CACNA2D2: variants seen among roughly 807,000 people sequenced by gnomAD.
The protein encoded by CACNA2D2 is calcium voltage-gated channel auxiliary subunit alpha2delta 2.
A neutral mutation model predicts 166.4 loss-of-function variants in CACNA2D2; 48 were observed. That is an observed-to-expected ratio of 0.29 (90% CI 0.23 to 0.37). The LOEUF (loss-of-function observed/expected upper bound fraction) is 0.37, where lower values mean the gene tolerates loss of function less well. Among genes scored for constraint, CACNA2D2 ranks in the 10% least tolerant of loss-of-function variants. The pLI is 1.00. For synonymous variants in CACNA2D2, 561 were observed against 573.7 expected, an observed-to-expected ratio of 0.98 and a Z score of 0.32; for missense variants, 1,122 against 1,433.0, an observed-to-expected ratio of 0.78 and a Z score of 3.50.
chr3:50,429,386 G>C (rs974187938), intron 3 of CACNA2D2, among the ~76,000 whole-genome samples: 1 of 151,962 alleles, frequency 6.6e-6, no homozygotes. Flanking sequence ...GCTTATTTCA[G>C]GTCCGGCACT....
intron 3 of CACNA2D2, among the ~76,000 whole-genome samples, chr3:50,425,581 G>C (rs1349125492): frequency 6.6e-6 from 1 of 152,104 alleles, no homozygotes. Context: ...ATTTCAGAAC[G>C]AAGGGCCAGA....
At chr3:50,395,009 G>A (rs1322985353) in intron 3 of CACNA2D2, among the ~76,000 whole-genome samples, 1 of 152,130 alleles carries the variant, frequency 6.6e-6, no homozygotes, top group Non-Finnish European at 1.5e-5. Context: ...GCCTAAGTCC[G>A]GGTCACCCAG....
At position 50,384,309 on chromosome 3, in the gene CACNA2D2, C is replaced by G. The variant is rs1253225503; in HGVS notation, c.539G>C (p.Arg180Thr). The part of the protein sequence containing the change: ...LDDPESEDVE[R>T]GSKASTLRLD... ...CCTTAGGGTGCTGGCCTTAGACCCC[C>G]TTTCCACATCCTCACTCTCAGGGTC... The change falls in exon 6 of 38, where the codon AGG becomes ACG. Residue 180 changes from arginine to threonine, a missense_variant. Arg to Thr is a moderately conservative substitution (Grantham distance 71, BLOSUM62 -1). Around this residue, in one of 2 missense-constraint regions of CACNA2D2, gnomAD observed 840 missense variants for 1,166.8 expected, o/e 0.72. Coordinates refer to ENST00000424201, the MANE Select transcript of CACNA2D2 (RefSeq NM_006030.4). 1 of 1,614,134 alleles carries G rather than the reference C, an allele frequency of 6.2e-7. No homozygotes were observed. The highest frequency in any genetic ancestry group is 1.7e-5 in the Admixed American group (1 of 60,028).
intron 2 of CACNA2D2, among the ~76,000 whole-genome samples, chr3:50,469,649 TC>T (rs1709981737): frequency 6.6e-6 from 1 of 152,144 alleles, no homozygotes; most frequent in South Asian, 2.1e-4. Context: ...ACTGCTTGGA[TC>T]CCCATTTCCC....
chr3:50,387,624 A>G lies in CACNA2D2; in HGVS notation c.466-12T>C, dbSNP rs1187910729. ...ACGATGTCTTCCTCCTGGTGAGGGGAGAGAGGCCTCAGCACTAGCTGCTCA... is the reference window on the plus strand; with the variant it reads ...ACGATGTCTTCCTCCTGGTGAGGGGGGAGAGGCCTCAGCACTAGCTGCTCA... On this transcript the variant is annotated splice_polypyrimidine_tract_variant and intron_variant, in intron 4 of 37. Coordinates refer to ENST00000424201, the MANE Select transcript of CACNA2D2 (RefSeq NM_006030.4). 3.7e-6 allele frequency: 6 copies of G among 1,609,792 alleles called. No individual in the cohort carries two copies. The highest frequency in any genetic ancestry group is 5.1e-6 in the Non-Finnish European group (6 of 1,176,852).
chr3:50,448,006 G>A (rs1559958277), intron 2 of CACNA2D2, among the ~76,000 whole-genome samples: 1 of 152,080 alleles, frequency 6.6e-6, no homozygotes, highest in Non-Finnish European at 1.5e-5. Flanking sequence ...TGGACTACCC[G>A]TCCCCTCCAT....
At chr3:50,415,584 C>G (rs1275642888) in intron 3 of CACNA2D2, among the ~76,000 whole-genome samples, 1 of 152,246 alleles carries the variant, frequency 6.6e-6, no homozygotes, top group Non-Finnish European at 1.5e-5. Context: ...CCTGAGGTGT[C>G]TGTGTGTCCC....
intron 1 of CACNA2D2, among the ~76,000 whole-genome samples, chr3:50,486,891 G>C (rs750089978): frequency 6.6e-6 from 1 of 152,246 alleles, no homozygotes; most frequent in African/African-American, 2.4e-5. Context: ...TCACTCTGCA[G>C]TAGAAGACAG....
chr3:50,424,552 G>A (rs1390419716), intron 3 of CACNA2D2, among the ~76,000 whole-genome samples: 1 of 152,168 alleles, frequency 6.6e-6, no homozygotes, highest in Non-Finnish European at 1.5e-5. Context: ...GCCTGGTCAA[G>A]TATCCCCATG....
chr3:50,452,501 C>T (rs1310508857), intron 2 of CACNA2D2, among the ~76,000 whole-genome samples: 1 of 152,220 alleles, frequency 6.6e-6, no homozygotes, highest in Non-Finnish European at 1.5e-5. Context: ...GATGTAACTG[C>T]TCATTGTGAA....
At chr3:50,445,205 T>C (rs1263182779) in intron 2 of CACNA2D2, among the ~76,000 whole-genome samples, 1 of 152,176 alleles carries the variant, frequency 6.6e-6, no homozygotes, top group Admixed American at 6.5e-5. Context: ...TAAATCCTGC[T>C]GAACACACCA....
At position 50,380,921 on chromosome 3, in the gene CACNA2D2, C is replaced by CCCG; in HGVS notation, c.784+73_784+74insCGG. On this transcript the variant is annotated intron_variant, in intron 7 of 37. Transcript: ENST00000424201. The surrounding 1 kb of genome is among the most constrained non-coding windows in gnomAD (Gnocchi z 4.9). The stretch of plus-strand genomic sequence containing the variant: ...ACAGAGAAGCCACCCCGCCCCATGC[C>CCCG]CCCAGGATGGGTGGGCTGGTAGATG... 6.3e-7 allele frequency: 1 copy of CCCG among 1,588,904 alleles called. No individual in the cohort carries two copies. The highest frequency in any genetic ancestry group is 8.6e-7 in the Non-Finnish European group (1 of 1,164,174).
At position 50,362,953 on chromosome 3, in the gene CACNA2D2, A is replaced by C; in HGVS notation, c.*1713T>G. The C allele has an allele frequency of 2.5e-6, 1 of 397,414 alleles. No individual in the cohort carries two copies. The highest frequency in any genetic ancestry group is 4.4e-6 in the Non-Finnish European group (1 of 225,714). The allele number at this position is 397,414 out of a possible 1,614,324, so 24.6% of individuals were successfully genotyped here. A position where few individuals can be genotyped will look rare whatever the true frequency, so the allele number is the denominator to read the frequency against. On this transcript the variant is annotated 3_prime_UTR_variant, in exon 38 of 38. Transcript: ENST00000424201. Reference sequence around the variant, plus strand: ...CCAACTTGTCTGTACAAAATAGAACAACAAAAAAAGGGCAGAGAAAAGGAA... The same window carrying C: ...CCAACTTGTCTGTACAAAATAGAACCACAAAAAAAGGGCAGAGAAAAGGAA...
At chr3:50,421,457 T>C (rs1333393246) in intron 3 of CACNA2D2, among the ~76,000 whole-genome samples, 1 of 152,074 alleles carries the variant, frequency 6.6e-6, no homozygotes, top group African/African-American at 2.4e-5. Context: ...CTGCTGTCCA[T>C]AGATGAAGCA....
chr3:50,461,123 T>TAA, intron 2 of CACNA2D2, among the ~76,000 whole-genome samples: 1 of 152,234 alleles, frequency 6.6e-6, no homozygotes, highest in East Asian at 1.9e-4. Context: ...CACTGAGTGG[T>TAA]AAGAAATGAA....
At chr3:50,498,022 T>G (rs1322941354) in intron 1 of CACNA2D2, among the ~76,000 whole-genome samples, 1 of 152,094 alleles carries the variant, frequency 6.6e-6, no homozygotes, top group Non-Finnish European at 1.5e-5. Flanking sequence ...CTCCCCAGCA[T>G]GTCCTCCCCA....
Position 50,381,072 on chromosome 3 carries a change from A to G in CACNA2D2, c.707T>C (p.Met236Thr). The change falls in exon 7 of 38, where the codon ATG (methionine) becomes ACG (threonine). Residue 236 changes from methionine to threonine, a missense_variant. Coordinates refer to ENST00000424201, the MANE Select transcript of CACNA2D2 (RefSeq NM_006030.4). ...NWTEALENVFMENRRQDPTLL... is the reference protein window; with the variant it reads ...NWTEALENVFTENRRQDPTLL... The stretch of plus-strand genomic sequence containing the variant: ...TGTGGGGTCTTGTCTGCGGTTTTCC[A>G]TGAACACATTCTCCAGGGCCTCTGT... The G allele has an allele frequency of 3.7e-6, 6 of 1,613,804 alleles. No individual in the cohort carries two copies. The highest frequency in any genetic ancestry group is 4.2e-6 in the Non-Finnish European group (5 of 1,179,894).
intron 22 of CACNA2D2, among the ~76,000 whole-genome samples, chr3:50,373,563 A>G (rs1366517144): frequency 2.1e-5 from 2 of 97,392 alleles, no homozygotes; most frequent in South Asian, 9.8e-4. Flanking sequence ...GGAAGAAAGA[A>G]GGTGAGGAGG....
chr3:50,368,195 C>CG lies in CACNA2D2; in HGVS notation c.2085dup (p.Glu696ArgfsTer8), dbSNP rs1559877143. 1 of 1,613,864 alleles carries CG rather than the reference C, an allele frequency of 6.2e-7. No individual in the cohort carries two copies. The highest frequency in any genetic ancestry group is 8.5e-7 in the Non-Finnish European group (1 of 1,179,864). ...AGCTCAATAAAGTTTTTCAGGAACTCGGTGTTGTTGTCTGAGGCATTCAGG... is the reference window on the plus strand; with the variant it reads ...AGCTCAATAAAGTTTTTCAGGAACTCGGGTGTTGTTGTCTGAGGCATTCAGG... On this transcript the variant is annotated frameshift_variant, in exon 24 of 38. Coordinates refer to ENST00000424201, the MANE Select transcript of CACNA2D2 (RefSeq NM_006030.4). LOFTEE classifies it high-confidence loss of function.
Sources: gnomAD v4.1 joint callset for allele counts (sites outside exome capture counted in the v4.1 genomes callset) on GRCh38, gnomAD v4.1.1 for gene constraint, gnomAD v4.1.1 regional missense constraint, Gnocchi (gnomAD v3.1) non-coding constraint, MANE v1.5 for transcripts, NCBI Gene and HGNC (gene_info 2026-07-23, HGNC 2026-07-21) for gene names.